Variants in HHAT observed in about 807,000 individuals in gnomAD.
HHAT encodes the protein hedgehog acyltransferase, also known as protein-cysteine N-palmitoyltransferase HHAT.
HHAT carries 47 observed loss-of-function variants against 70.8 expected under a neutral mutation model. The observed-to-expected ratio is 0.66, with a 90% CI of 0.53 to 0.85. The LOEUF is 0.85. HHAT is among the 40% of genes least tolerant of loss of function. The pLI is 0.00. For missense variants in HHAT, 609 were observed against 604.8 expected, an observed-to-expected ratio of 1.01 and a Z score of -0.07; for synonymous variants, 228 against 247.6, an observed-to-expected ratio of 0.92 and a Z score of 0.74.
At chr1:210,513,131 T>C (rs945882509) in intron 8 of HHAT, 22 bp from the exon 9 acceptor site, 4 of 1,450,060 alleles carry the variant, frequency 2.8e-6, no homozygotes, top group Non-Finnish European at 2.9e-6. Flanking sequence ...TTGATATGCT[T>C]GTCTATGTCT....
intron 3 of HHAT, among the ~76,000 whole-genome samples, chr1:210,386,230 C>CTTTTTTTTTTTTT (rs869305965): frequency 9.0e-4 from 63 of 69,920 alleles, no homozygotes; most frequent in African/African-American, 2.1e-3. Context: ...TTCTTTTTTT[C>CTTTTTTTTTTTTT]TTTTTTTTTT....
intron 9 of HHAT, among the ~76,000 whole-genome samples, chr1:210,552,733 C>A (rs1283861918): frequency 6.6e-6 from 1 of 152,198 alleles, no homozygotes; most frequent in Non-Finnish European, 1.5e-5. Context: ...CTCTCTTGGA[C>A]TAAAAGCAAT....
At chr1:210,550,251 C>A (rs2095517101) in intron 9 of HHAT, among the ~76,000 whole-genome samples, 1 of 149,274 alleles carries the variant, frequency 6.7e-6, no homozygotes, top group African/African-American at 2.5e-5. Context: ...ATTTCTAACT[C>A]CTTTGTAAAT....
chr1:210,554,484 C>T lies in HHAT; in HGVS notation c.1044-33414C>T, dbSNP rs565354668. ...GTTGAGATTTGGGTTTGGAGACAAA[C>T]GCACCTTTCTCTACCCAGAGACCAG... On this transcript the variant is annotated intron_variant, in intron 9 of 11. Coordinates refer to ENST00000261458, the MANE Select transcript of HHAT (RefSeq NM_018194.6). 7.2e-5 allele frequency among the ~76,000 whole-genome samples: 11 copies of T among 152,228 alleles called. 1 individual carries two copies. The South Asian group carries it at 1.7e-3, about 23-fold the overall frequency.
chr1:210,433,315 G>T (rs976685893), intron 7 of HHAT, among the ~76,000 whole-genome samples: 2 of 151,816 alleles, frequency 1.3e-5, no homozygotes, highest in African/African-American at 4.9e-5. Context: ...CTGCCTGGCA[G>T]TTGACATCAG....
intron 9 of HHAT, among the ~76,000 whole-genome samples, chr1:210,533,284 AC>A (rs1405495395): frequency 3.8e-4 from 56 of 148,248 alleles, no homozygotes; most frequent in African/African-American, 1.2e-3. Flanking sequence ...TTTTAGAAGT[AC>A]AGATGGCAGC....
At chr1:210,614,665 G>A (rs536731015) in intron 10 of HHAT, among the ~76,000 whole-genome samples, 1 of 152,140 alleles carries the variant, frequency 6.6e-6, no homozygotes, top group South Asian at 2.1e-4. Context: ...TGCGGTGTTT[G>A]GTTTTTTGTC....
intron 9 of HHAT, among the ~76,000 whole-genome samples, chr1:210,517,116 C>T (rs2095070084): frequency 6.6e-6 from 1 of 152,142 alleles, no homozygotes; most frequent in Non-Finnish European, 1.5e-5. Flanking sequence ...TTAAATGTGA[C>T]ACCGCACAAG....
chr1:210,403,738 A>G lies in HHAT; in HGVS notation c.469-726A>G, dbSNP rs189129099. Among the ~76,000 whole-genome samples the G allele has an allele frequency of 4.0e-3, 616 of 152,336 alleles. 6 individuals carry two copies. Among genetic ancestry groups the G allele is most frequent in the Middle Eastern group, 0.02 (6 of 294 alleles). ...AATGTATTTTTGGAAAACATGGAAA[A>G]TGTAGAAAAATATAGAAATTAGAAA... is the stretch of plus-strand genomic sequence containing the variant. On this transcript the variant is annotated intron_variant, in intron 5 of 11. Transcript: ENST00000261458.
intron 3 of HHAT, among the ~76,000 whole-genome samples, chr1:210,382,539 G>C (rs1236254509): frequency 1.3e-5 from 2 of 152,172 alleles, no homozygotes; most frequent in Non-Finnish European, 2.9e-5. Flanking sequence ...CAAGGTTCTT[G>C]CTCTCAGAGA....
At chr1:210,529,899 C>A (rs1055063648) in intron 9 of HHAT, among the ~76,000 whole-genome samples, 5 of 152,158 alleles carry the variant, frequency 3.3e-5, no homozygotes, top group African/African-American at 1.2e-4. Flanking sequence ...TTAATAAATT[C>A]CTTTTCTGCT....
intron 3 of HHAT, among the ~76,000 whole-genome samples, chr1:210,383,169 G>A (rs992500640): frequency 6.6e-6 from 1 of 152,066 alleles, no homozygotes; most frequent in East Asian, 1.9e-4. Context: ...GTGAAACCCC[G>A]TATCTACTAA....
intron 4 of HHAT, among the ~76,000 whole-genome samples, chr1:210,396,090 CTA>C (rs1209035801): frequency 1.3e-5 from 2 of 152,176 alleles, no homozygotes; most frequent in East Asian, 1.9e-4. Context: ...TTAGTAAGAT[CTA>C]TGTCTCATCA....
intron 8 of HHAT, among the ~76,000 whole-genome samples, chr1:210,465,905 GGAATTGCAAGGAAT>G (rs1445729839): frequency 5.9e-4 from 89 of 149,936 alleles, no homozygotes; most frequent in Admixed American, 4.7e-3. Context: ...TGAATTGCAA[GGAATTGCAAGGAAT>G]GAATTGCAAG....
At chr1:210,371,496 C>G (rs2089567824) in intron 3 of HHAT, among the ~76,000 whole-genome samples, 1 of 152,152 alleles carries the variant, frequency 6.6e-6, no homozygotes. Flanking sequence ...CTCTTCAACC[C>G]ACATTCTTTG....
intron 10 of HHAT, among the ~76,000 whole-genome samples, chr1:210,620,517 C>G (rs1353136062): frequency 6.6e-6 from 1 of 152,178 alleles, no homozygotes; most frequent in African/African-American, 2.4e-5. Flanking sequence ...CCCACTGTTT[C>G]ACTGTGAAAA....
At chr1:210,542,643 A>G (rs534325242) in intron 9 of HHAT, among the ~76,000 whole-genome samples, 74 of 151,820 alleles carry the variant, frequency 4.9e-4, no homozygotes, top group Middle Eastern at 3.4e-3. Context: ...ATAAAATAAA[A>G]TAAAATATTA....
In HHAT at chr1:210,498,774, C is replaced by CT. The variant is rs36053258; in HGVS notation, c.1008-14364dup. ...TGCCTTGCAGTCTGTTTTTTTTTTT[C>CT]TTTTTTTTTTTTTTTGAGACGGAGT... On this transcript the variant is annotated intron_variant, in intron 8 of 11. Transcript: ENST00000261458. Among the ~76,000 whole-genome samples the CT allele has an allele frequency of 7.2e-3, 857 of 119,842 alleles. 7 individuals are homozygous for CT. The highest frequency in any genetic ancestry group is 0.018 in the Middle Eastern group (4 of 224). The allele number at this position is 119,842 out of a possible 152,430, so 78.6% of individuals were successfully genotyped here.
intron 10 of HHAT, among the ~76,000 whole-genome samples, chr1:210,606,562 T>G (rs1665490854): frequency 6.6e-6 from 1 of 152,198 alleles, no homozygotes; most frequent in Admixed American, 6.5e-5. Context: ...CCTACCTGAC[T>G]CACTGCTCTT....
Sources: gnomAD v4.1 joint callset for allele counts (sites outside exome capture counted in the v4.1 genomes callset) on GRCh38, gnomAD v4.1.1 for gene constraint, MANE v1.5 for transcripts, NCBI Gene and HGNC (gene_info 2026-07-23, HGNC 2026-07-21) for gene names.